The following FBXL13 variants were observed in gnomAD, a reference collection of about 807,000 sequenced individuals.
FBXL13 encodes F-box and leucine-rich repeat protein 13.
Under a neutral mutation model 83.6 loss-of-function variants are expected in FBXL13, and 67 were observed. The ratio of observed to expected loss-of-function variants is 0.80; its 90% CI spans 0.66 to 0.98. The LOEUF (loss-of-function observed/expected upper bound fraction) is 0.98, where lower values mean the gene tolerates loss of function less well. Ranked by LOEUF, FBXL13 falls within the 50% of genes least tolerant of loss-of-function variation. The pLI is 0.00. For missense variants in FBXL13, 822 were observed against 866.5 expected, an observed-to-expected ratio of 0.95 and a Z score of 0.64; for synonymous variants, 272 against 299.5, an observed-to-expected ratio of 0.91 and a Z score of 0.95.
chr7:102,967,999 T>C, intron 7 of FBXL13, 23 bp downstream of exon 8: 1 of 1,565,904 alleles, frequency 6.4e-7, no homozygotes, highest in African/African-American at 1.4e-5. Context: ...TGTAAAGACA[T>C]AGTTCAGTTA....
chr7:102,842,080 T>C (rs12113073), intron 17 of FBXL13, among the ~76,000 whole-genome samples: 28,051 of 151,924 alleles, frequency 0.18, 2,655 homozygotes, highest in Middle Eastern at 0.27. Context: ...TAACCTGGAG[T>C]ATTGGATGAG....
At chr7:102,827,238 G>A (rs1799893891) in intron 18 of FBXL13, 1 of 424,136 alleles carries the variant, frequency 2.4e-6, no homozygotes, top group African/African-American at 2.0e-5. Flanking sequence ...GAAGCAGGAG[G>A]AAGCTGTCCC....
intron 6 of FBXL13, among the ~76,000 whole-genome samples, chr7:103,022,632 T>C (rs913171058): frequency 6.6e-6 from 1 of 152,136 alleles, no homozygotes; most frequent in Non-Finnish European, 1.5e-5. Flanking sequence ...CGCGGAATAT[T>C]GAAACTGGAC....
At chr7:102,989,293 ACTTT>A (rs1829315018) in intron 6 of FBXL13, among the ~76,000 whole-genome samples, 1 of 152,236 alleles carries the variant, frequency 6.6e-6, no homozygotes, top group African/African-American at 2.4e-5. Flanking sequence ...CTGAAGGACA[ACTTT>A]CTAATTATCT....
chr7:103,016,205 G>T (rs1792288572), intron 6 of FBXL13, among the ~76,000 whole-genome samples: 1 of 150,920 alleles, frequency 6.6e-6, no homozygotes, highest in Admixed American at 6.6e-5. Flanking sequence ...AATAGCCAAG[G>T]TAATCCTAAG....
At chr7:102,962,429 T>A (rs1318009051) in intron 8 of FBXL13, among the ~76,000 whole-genome samples, 1 of 152,194 alleles carries the variant, frequency 6.6e-6, no homozygotes. Context: ...GTGTGGCTAT[T>A]CCTCAGGGAT....
At chr7:102,956,074 C>G (rs546344813) in intron 8 of FBXL13, among the ~76,000 whole-genome samples, 1 of 152,006 alleles carries the variant, frequency 6.6e-6, no homozygotes, top group African/African-American at 2.4e-5. Flanking sequence ...GGCAGAGACA[C>G]AACAAAAAAA....
At chr7:103,018,575 A>T (rs1333396450) in intron 6 of FBXL13, among the ~76,000 whole-genome samples, 1 of 152,212 alleles carries the variant, frequency 6.6e-6, no homozygotes, top group East Asian at 1.9e-4. Flanking sequence ...TATTCAGGAA[A>T]CCAATTTCAC....
At chr7:102,941,171 T>C (rs1248253698) in intron 8 of FBXL13, among the ~76,000 whole-genome samples, 1 of 152,174 alleles carries the variant, frequency 6.6e-6, no homozygotes, top group Non-Finnish European at 1.5e-5. Context: ...GGGAGTATGT[T>C]TGAACTGTGA....
intron 18 of FBXL13, among the ~76,000 whole-genome samples, chr7:102,832,163 C>A (rs1158016449): frequency 6.6e-6 from 1 of 152,048 alleles, no homozygotes; most frequent in African/African-American, 2.4e-5. Flanking sequence ...TATATGTAGT[C>A]CAAATTTTTC....
At chr7:102,881,462 A>C (rs1407637110) in intron 14 of FBXL13, among the ~76,000 whole-genome samples, 1 of 151,368 alleles carries the variant, frequency 6.6e-6, no homozygotes, top group Non-Finnish European at 1.5e-5. Flanking sequence ...AAAAAAGAAT[A>C]ATTAACCCGC....
At chr7:102,976,176 A>C (rs1563176249) in intron 6 of FBXL13, 2 of 765,596 alleles carry the variant, frequency 2.6e-6, no homozygotes, top group Non-Finnish European at 4.8e-6. Flanking sequence ...TGGAACAGAC[A>C]CCCCAGCAAC....
chr7:102,942,323 C>A (rs769623940), intron 8 of FBXL13: 1 of 1,591,864 alleles, frequency 6.3e-7, no homozygotes, highest in African/African-American at 1.4e-5. Context: ...AGTAGACTTA[C>A]GTGAATGATT....
chr7:102,865,045 C>G (rs921859315), intron 16 of FBXL13, among the ~76,000 whole-genome samples: 3 of 152,110 alleles, frequency 2.0e-5, no homozygotes, highest in Non-Finnish European at 2.9e-5. Context: ...ACCTTGAGAC[C>G]AGTACTCTTT....
intron 6 of FBXL13, chr7:102,973,452 C>T (rs184087018): frequency 1.1e-5 from 8 of 739,746 alleles, no homozygotes; most frequent in African/African-American, 3.4e-5. Context: ...TTCCTGTTTA[C>T]GGAAGACTAT....
intron 18 of FBXL13, among the ~76,000 whole-genome samples, chr7:102,829,470 C>A (rs1651982979): frequency 6.6e-6 from 1 of 152,128 alleles, no homozygotes; most frequent in Non-Finnish European, 1.5e-5. Flanking sequence ...TTGTTCAGGG[C>A]TTTGCTTTAA....
At chr7:102,908,922 G>A (rs934663508) in intron 11 of FBXL13, among the ~76,000 whole-genome samples, 1 of 152,210 alleles carries the variant, frequency 6.6e-6, no homozygotes, top group African/African-American at 2.4e-5. Flanking sequence ...TTCACTCAAG[G>A]CCCTGGGGCT....
At chr7:103,006,404 A>G (rs1382352166) in intron 6 of FBXL13, among the ~76,000 whole-genome samples, 1 of 152,366 alleles carries the variant, frequency 6.6e-6, no homozygotes, top group East Asian at 1.9e-4. Context: ...AGTCACTAGT[A>G]CAGTTCATAC....
intron 2 of FBXL13, 46 bp downstream of exon 3, chr7:103,055,042 G>A (rs1797204116): frequency 8.9e-6 from 10 of 1,124,138 alleles, no homozygotes; most frequent in Middle Eastern, 2.3e-4. Flanking sequence ...AAATTCCATC[G>A]AAGTTTAAAA....
Sources: allele counts gnomAD v4.1 joint callset (sites outside exome capture counted in the v4.1 genomes callset), GRCh38; gene constraint gnomAD v4.1.1; transcripts MANE v1.5; gene names NCBI Gene and HGNC (gene_info 2026-07-23, HGNC 2026-07-21).